The following LRP2 variants were observed in gnomAD, a reference collection of about 807,000 sequenced individuals.
LRP2 encodes the protein LDL receptor related protein 2.
A neutral mutation model predicts 531.0 loss-of-function variants in LRP2; 172 were observed. The observed-to-expected ratio is 0.32, with a 90% CI of 0.29 to 0.37. The LOEUF (loss-of-function observed/expected upper bound fraction) is 0.37. Among genes scored for constraint, LRP2 ranks in the 10% least tolerant of loss-of-function variants. The probability of loss-of-function intolerance (pLI) is 1.00; values close to 1 mark genes in which losing one functional copy is unlikely to be tolerated. For missense variants in LRP2, 5,167 were observed against 5,868.3 expected (o/e 0.88, Z 3.90); for synonymous variants, 1,992 against 2,027.6 (o/e 0.98, Z 0.47).
At chr2:169,169,584 A>G in intron 60 of LRP2, 118 bp downstream of exon 60, 4 of 809,258 alleles carry the variant, frequency 4.9e-6, no homozygotes, top group Middle Eastern at 2.3e-4. Context: ...TTATCAGTGC[A>G]TGCTGAACAG....
intron 1 of LRP2, among the ~76,000 whole-genome samples, chr2:169,328,720 T>A (rs1685189537): frequency 6.6e-6 from 1 of 152,132 alleles, no homozygotes; most frequent in Non-Finnish European, 1.5e-5. Flanking sequence ...AACCTGAGCC[T>A]CAGTGACATT....
chr2:169,182,511 CTG>C, intron 50 of LRP2, 192 bp from the exon 51 acceptor site: 1 of 1,476,988 alleles, frequency 6.8e-7, no homozygotes. Flanking sequence ...GGGTGCAAGA[CTG>C]TGTGCAATAA....
At position 169,206,983 on chromosome 2, in the gene LRP2, C is replaced by A; in HGVS notation, c.6737G>T (p.Gly2246Val). 1.2e-6 allele frequency: 2 copies of A among 1,614,212 alleles called. No homozygotes were observed. The highest frequency in any genetic ancestry group is 2.2e-5 in the South Asian group (2 of 91,084). ...AGAATCATCAACCCAATAAACGTAG[C>A]CATCACTTCGGTCCACTGCCAAGCC... Reference protein sequence around the residue: ...PRGLAVDRSDGYVYWVDDSLD... With the variant: ...PRGLAVDRSDVYVYWVDDSLD... The change falls in exon 39 of 79, where the codon GGC becomes GTC. Residue 2246 changes from glycine (G) to valine (V), a missense_variant. Physicochemically the swap from Gly to Val is moderately radical, Grantham distance 109 (BLOSUM62 -3). Transcript: ENST00000649046.
At position 169,128,021 on chromosome 2, in the gene LRP2, T is replaced by C. The variant is rs188348439; in HGVS notation, c.*642A>G. On this transcript the variant is annotated 3_prime_UTR_variant, in exon 79 of 79. Transcript: ENST00000649046. ...GAGAGAACACACATGAAACAGAGAG[T>C]TCTGGTTAGACAATGCCAACACACA... 6.5e-6 allele frequency: 1 copy of C among 152,824 alleles called. No homozygotes were observed. The highest frequency in any genetic ancestry group is 1.5e-5 in the Non-Finnish European group (1 of 68,168). 9.5% of individuals were successfully genotyped at this position (152,824 alleles called of 1,614,324 possible).
At chr2:169,355,028 T>A (rs1685952342) in intron 1 of LRP2, among the ~76,000 whole-genome samples, 1 of 152,122 alleles carries the variant, frequency 6.6e-6, no homozygotes, top group Non-Finnish European at 1.5e-5. Flanking sequence ...CACAGAAAAA[T>A]GAAATACTGC....
chr2:169,329,240 T>C lies in LRP2; in HGVS notation c.80-8356A>G, dbSNP rs112004431. Reference sequence around the variant, plus strand: ...GAAGAGGGAGACCAGGCTTTGTGTGTAGGGTCAAAACAACTTGACAGGCCA... The same window carrying C: ...GAAGAGGGAGACCAGGCTTTGTGTGCAGGGTCAAAACAACTTGACAGGCCA... On this transcript the variant is annotated intron_variant, in intron 1 of 78. Coordinates refer to ENST00000649046, the MANE Select transcript of LRP2 (RefSeq NM_004525.3). Among the ~76,000 whole-genome samples, 390 of 152,274 alleles carry C rather than the reference T, an allele frequency of 2.6e-3. 2 individuals carry two copies. The highest frequency in any genetic ancestry group is 8.8e-3 in the African/African-American group (365 of 41,560).
chr2:169,354,495 G>T (rs80051453), intron 1 of LRP2, among the ~76,000 whole-genome samples: 3,086 of 152,212 alleles, frequency 0.02, 50 homozygotes, highest in Non-Finnish European at 0.034. Context: ...TAACCTTGAG[G>T]TCAGGCATGA....
At chr2:169,179,774 G>A (rs1687357190) in intron 52 of LRP2, among the ~76,000 whole-genome samples, 1 of 142,708 alleles carries the variant, frequency 7.0e-6, no homozygotes, top group Non-Finnish European at 1.6e-5. Flanking sequence ...ATGTGTTGGT[G>A]CATCCCAAGA....
chr2:169,187,846 G>A, intron 49 of LRP2, 124 bp downstream of exon 49: 1 of 1,079,648 alleles, frequency 9.3e-7, no homozygotes, highest in South Asian at 1.3e-5. Flanking sequence ...TGCTATATCA[G>A]GAATAGTGAT....
intron 58 of LRP2, among the ~76,000 whole-genome samples, chr2:169,171,062 G>C (rs762166063): frequency 6.6e-6 from 1 of 150,436 alleles, no homozygotes; most frequent in African/African-American, 2.4e-5. Flanking sequence ...TGCCCAGCTT[G>C]ATTTTATCTT....
Position 169,185,741 on chromosome 2 carries a change from A to G in LRP2, c.9607T>C (p.Phe3203Leu). 6.2e-7 allele frequency: 1 copy of G among 1,614,064 alleles called. No individual in the cohort carries two copies. Among genetic ancestry groups the G allele is most frequent in the Admixed American group, 1.7e-5 (1 of 60,006 alleles). Residue 3203 changes from phenylalanine (F) to leucine (L), a missense_variant, in exon 50 of 79, where the codon TTT becomes CTT. By Grantham distance (22) the Phe-to-Leu change is conservative. Transcript: ENST00000649046. ...TTTCTCAAATAGTAACGGTTGCTAA[A>G]AATGAGATAGGGTTCGATGTTACTG... ...QNSNIEPYLI[F>L]SNRYYLRNLT...
At chr2:169,210,536 A>G (rs1046711478) in intron 37 of LRP2, among the ~76,000 whole-genome samples, 1 of 152,230 alleles carries the variant, frequency 6.6e-6, no homozygotes, top group African/African-American at 2.4e-5. Flanking sequence ...ACTGCAGGGT[A>G]AAAAATGAAA....
At position 169,166,012 on chromosome 2, in the gene LRP2, T is replaced by C; in HGVS notation, c.11678A>G (p.Asn3893Ser). Reference protein sequence around the residue: ...CNSPNRFRCDNNRCIYSHEVC... With the variant: ...CNSPNRFRCDSNRCIYSHEVC... ...CTCATGACTATAAATGCAGCGATTGTTGTCACACCGGAAACGGTTTGGTGA... is the reference window on the plus strand; with the variant it reads ...CTCATGACTATAAATGCAGCGATTGCTGTCACACCGGAAACGGTTTGGTGA... Residue 3893 changes from asparagine (N) to serine (S), a missense_variant, in exon 62 of 79, where the codon AAC becomes AGC. Physicochemically the swap from Asn to Ser is conservative, Grantham distance 46. Coordinates refer to ENST00000649046, the MANE Select transcript of LRP2 (RefSeq NM_004525.3). 2 of 1,614,082 alleles carry C rather than the reference T, an allele frequency of 1.2e-6. No individual in the cohort carries two copies. The highest frequency in any genetic ancestry group is 1.3e-5 in the African/African-American group (1 of 75,024).
chr2:169,130,287 TC>T (rs1335647530), intron 77 of LRP2, among the ~76,000 whole-genome samples: 1 of 149,858 alleles, frequency 6.7e-6, no homozygotes, highest in African/African-American at 2.5e-5. Flanking sequence ...TAGAACTGAA[TC>T]TTTTTTTTTT....
chr2:169,306,569 C>A (rs985977441), intron 4 of LRP2, among the ~76,000 whole-genome samples: 1 of 152,034 alleles, frequency 6.6e-6, no homozygotes, highest in Non-Finnish European at 1.5e-5. Flanking sequence ...GAGAGAGAAA[C>A]TGTGGTATGC....
chr2:169,198,304 C>T (rs944366015), intron 45 of LRP2, among the ~76,000 whole-genome samples: 13 of 152,020 alleles, frequency 8.6e-5, no homozygotes, highest in African/African-American at 1.5e-4. Context: ...ATCCCAGCTA[C>T]TCAGGAGGCT....
intron 1 of LRP2, among the ~76,000 whole-genome samples, chr2:169,346,296 G>A (rs1480387823): frequency 2.6e-5 from 4 of 152,108 alleles, no homozygotes; most frequent in East Asian, 1.9e-4. Flanking sequence ...CAGTTAGTAT[G>A]TTCAATTTTT....
chr2:169,277,610 A>C, intron 13 of LRP2, 135 bp downstream of exon 13: 1 of 816,292 alleles, frequency 1.2e-6, no homozygotes. Context: ...AAATGTCAGT[A>C]CAAAGGTCAT....
At chr2:169,257,474 G>A (rs572773813) in intron 17 of LRP2, among the ~76,000 whole-genome samples, 1 of 152,222 alleles carries the variant, frequency 6.6e-6, no homozygotes, top group South Asian at 2.1e-4. Flanking sequence ...AATGGGCATT[G>A]AGAGAAGAGA....
Sources: allele counts gnomAD v4.1 joint callset (sites outside exome capture counted in the v4.1 genomes callset), GRCh38; gene constraint gnomAD v4.1.1; transcripts MANE v1.5; gene names NCBI Gene and HGNC (gene_info 2026-07-23, HGNC 2026-07-21).